The following FSTL1 variants were observed in gnomAD, a reference collection of about 807,000 sequenced individuals.
FSTL1 encodes the protein follistatin like 1.
A neutral mutation model predicts 45.9 loss-of-function variants in FSTL1; 24 were observed. The observed-to-expected ratio is 0.52, with a 90% CI of 0.38 to 0.74. The LOEUF is 0.74. FSTL1 is among the 30% of genes least tolerant of loss of function. The pLI is 0.00. For missense variants in FSTL1, 340 were observed against 381.8 expected (o/e 0.89, Z 0.91); for synonymous variants, 120 against 137.6 (o/e 0.87, Z 0.89).
At chr3:120,417,775 C>A (rs985144501) in intron 2 of FSTL1, among the ~76,000 whole-genome samples, 1 of 152,190 alleles carries the variant, frequency 6.6e-6, no homozygotes, top group Admixed American at 6.5e-5. Context: ...AGACACATGC[C>A]TGCACTCAAA....
At chr3:120,430,192 A>T (rs1205465381) in intron 2 of FSTL1, among the ~76,000 whole-genome samples, 1 of 152,212 alleles carries the variant, frequency 6.6e-6, no homozygotes, top group African/African-American at 2.4e-5. Flanking sequence ...TTTAAAGGGT[A>T]AGGCCCACCC....
intron 2 of FSTL1, among the ~76,000 whole-genome samples, chr3:120,424,992 A>T (rs1937352025): frequency 6.6e-6 from 1 of 152,050 alleles, no homozygotes; most frequent in South Asian, 2.1e-4. Context: ...TCAGGAGAAA[A>T]AGGTGGGCAT....
At chr3:120,397,902 G>T (rs184901178) in intron 10 of FSTL1, among the ~76,000 whole-genome samples, 3 of 152,126 alleles carry the variant, frequency 2.0e-5, no homozygotes, top group Non-Finnish European at 4.4e-5. Flanking sequence ...TGGTATATTC[G>T]TATCATGGAA....
intron 6 of FSTL1, among the ~76,000 whole-genome samples, chr3:120,406,809 T>C (rs1320383767): frequency 6.6e-6 from 1 of 152,146 alleles, no homozygotes; most frequent in Non-Finnish European, 1.5e-5. Flanking sequence ...TTTCCCCAGC[T>C]CTATACAGGT....
Position 120,409,506 on chromosome 3 carries a change from T to C in FSTL1, c.462+26A>G, listed in dbSNP as rs367753868. On this transcript the variant is annotated intron_variant, in intron 6 of 10. Transcript: ENST00000295633. ...AAGCTTCCCTTTCTATGGGCCTGAA[T>C]AGTCTTCCTCCTACCTCTGGATTAC... is the stretch of plus-strand genomic sequence containing the variant. The C allele has an allele frequency of 1.9e-6, 3 of 1,608,550 alleles. No individual in the cohort carries two copies. The African/African-American group carries it at 4.0e-5, about 21-fold the overall frequency.
chr3:120,450,819 C>T, intron 1 of FSTL1, 73 bp from the exon 2 acceptor site: 1 of 1,133,874 alleles, frequency 8.8e-7, no homozygotes, highest in Non-Finnish European at 1.2e-6. Context: ...GCTCGGGTCC[C>T]GCAGGCTCGC....
At position 120,428,792 on chromosome 3, in the gene FSTL1, C is replaced by CTGG. The variant is rs1389972494; in HGVS notation, c.64-12768_64-12766dup. Among the ~76,000 whole-genome samples, 3 of 152,180 alleles carry CTGG rather than the reference C, an allele frequency of 2.0e-5. No homozygotes were observed. The East Asian group carries it at 5.8e-4, about 29-fold the overall frequency. The stretch of plus-strand genomic sequence containing the variant: ...AACAACAAAAAACAGGGACAAAGTC[C>CTGG]TGGGAATCTCTGGGGGTAGTGTGGC... On this transcript the variant is annotated intron_variant, in intron 2 of 10. Transcript: ENST00000295633.
intron 2 of FSTL1, among the ~76,000 whole-genome samples, chr3:120,447,410 G>A (rs1384912235): frequency 6.6e-6 from 1 of 152,142 alleles, no homozygotes; most frequent in African/African-American, 2.4e-5. Context: ...CACATCTAGA[G>A]ACATATGCTA....
At chr3:120,399,367 C>A (rs16831136) in intron 10 of FSTL1, among the ~76,000 whole-genome samples, 9 of 152,142 alleles carry the variant, frequency 5.9e-5, no homozygotes, top group Non-Finnish European at 1.3e-4. Context: ...CTTTGTTAAC[C>A]CCAGGCTATT....
chr3:120,402,065 C>A (rs1936837346), intron 9 of FSTL1, among the ~76,000 whole-genome samples: 1 of 152,148 alleles, frequency 6.6e-6, no homozygotes, highest in Non-Finnish European at 1.5e-5. Flanking sequence ...TAGCCCAGGA[C>A]CCAGATGGGA....
intron 2 of FSTL1, among the ~76,000 whole-genome samples, chr3:120,433,424 T>C (rs1216019319): frequency 1.3e-5 from 2 of 152,212 alleles, no homozygotes; most frequent in African/African-American, 2.4e-5. Flanking sequence ...GATACAAAGA[T>C]TGTAGGCACC....
At chr3:120,433,488 T>C (rs1172885554) in intron 2 of FSTL1, among the ~76,000 whole-genome samples, 1 of 152,196 alleles carries the variant, frequency 6.6e-6, no homozygotes, top group Non-Finnish European at 1.5e-5. Context: ...AGCTAGTGGA[T>C]TAATTCAAAA....
chr3:120,431,208 G>C (rs573002483), intron 2 of FSTL1, among the ~76,000 whole-genome samples: 42 of 152,152 alleles, frequency 2.8e-4, no homozygotes, highest in Non-Finnish European at 5.3e-4. Context: ...CGGACCTCAA[G>C]TGATCCACCA....
Position 120,436,742 on chromosome 3 carries a change from G to A in FSTL1, c.63+13942C>T, listed in dbSNP as rs144642872. Among the ~76,000 whole-genome samples, 68 of 152,316 alleles carry A rather than the reference G, an allele frequency of 4.5e-4. No individual in the cohort carries two copies. In the East Asian group the frequency reaches 8.1e-3, roughly 18 times the overall value. On this transcript the variant is annotated intron_variant, in intron 2 of 10. Transcript: ENST00000295633. ...CTGCTGGGACTCTAGGGAGAAGCCA[G>A]GTGAATTTCCTGCTTCTGATATAGG...
Position 120,404,962 on chromosome 3 carries a change from T to C in FSTL1, c.472A>G (p.Asn158Asp), listed in dbSNP as rs774273723. 6.4e-7 allele frequency: 1 copy of C among 1,562,826 alleles called. No homozygotes were observed. Residue 158 changes from asparagine (N) to aspartate (D), a missense_variant, in exon 7 of 11, where the codon AAT becomes GAT. Asn to Asp is a conservative substitution (Grantham distance 23, BLOSUM62 1). Coordinates refer to ENST00000295633, the MANE Select transcript of FSTL1 (RefSeq NM_007085.5). ...CTGGAGTCCAGGCGAGAATCACCAT[T>C]ATCAAAGTTCTAGAAAGGGCATGAC... The part of the protein sequence containing the change: ...ILDKYFKNFD[N>D]GDSRLDSSEF...
At chr3:120,412,832 GCGCGCGCACACACA>G (rs1184825210) in intron 3 of FSTL1, among the ~76,000 whole-genome samples, 45 of 128,538 alleles carry the variant, frequency 3.5e-4, no homozygotes, top group East Asian at 1.1e-3. Flanking sequence ...GCGCGCGCGC[GCGCGCGCACACACA>G]CACACACACA....
chr3:120,405,616 T>C (rs1193415220), intron 6 of FSTL1, among the ~76,000 whole-genome samples: 1 of 152,226 alleles, frequency 6.6e-6, no homozygotes, highest in Non-Finnish European at 1.5e-5. Flanking sequence ...TTCCCGCTCC[T>C]CTGCCCTGTG....
intron 7 of FSTL1, among the ~76,000 whole-genome samples, chr3:120,403,939 A>C (rs58913771): frequency 0.014 from 1,657 of 115,518 alleles, 40 homozygotes; most frequent in African/African-American, 0.044. Flanking sequence ...AAAAAAAAAA[A>C]AAAAACAAAA....
intron 4 of FSTL1, among the ~76,000 whole-genome samples, chr3:120,411,555 T>C (rs1576212948): frequency 1.3e-5 from 2 of 152,244 alleles, no homozygotes; most frequent in Non-Finnish European, 2.9e-5. Context: ...AGGAACTTTC[T>C]TATTGTTACT....
Sources: gnomAD v4.1 joint callset for allele counts (sites outside exome capture counted in the v4.1 genomes callset) on GRCh38, gnomAD v4.1.1 for gene constraint, MANE v1.5 for transcripts, NCBI Gene and HGNC (gene_info 2026-07-23, HGNC 2026-07-21) for gene names.